Variants in SPAG17 observed in about 807,000 individuals in gnomAD.
SPAG17 encodes sperm associated antigen 17.
Under a neutral mutation model 273.6 loss-of-function variants are expected in SPAG17, and 169 were observed. The observed-to-expected ratio is 0.62, with a 90% CI of 0.55 to 0.70. The LOEUF (loss-of-function observed/expected upper bound fraction) is 0.70, where lower values mean the gene tolerates loss of function less well. SPAG17 is among the 30% of genes least tolerant of loss of function. The pLI is 0.00. For missense variants in SPAG17, 2,557 were observed against 2,627.8 expected (o/e 0.97, Z 0.59); for synonymous variants, 825 against 873.2 (o/e 0.94, Z 0.97).
intron 3 of SPAG17, among the ~76,000 whole-genome samples, chr1:118,121,814 A>G (rs906623703): frequency 2.0e-5 from 3 of 152,234 alleles, no homozygotes; most frequent in Non-Finnish European, 2.9e-5. Context: ...ATATCTAAAA[A>G]CACTGTCAAA....
At chr1:118,131,834 G>A (rs919472035) in intron 3 of SPAG17, among the ~76,000 whole-genome samples, 2 of 152,138 alleles carry the variant, frequency 1.3e-5, no homozygotes, top group Non-Finnish European at 2.9e-5. Context: ...TCTTCCTGTG[G>A]TGCAACCTGG....
At chr1:118,053,171 T>G (rs1489852111) in intron 20 of SPAG17, among the ~76,000 whole-genome samples, 2 of 152,058 alleles carry the variant, frequency 1.3e-5, no homozygotes, top group African/African-American at 4.8e-5. Flanking sequence ...AATGTTAGTC[T>G]CAAAACAAAT....
intron 43 of SPAG17, among the ~76,000 whole-genome samples, chr1:117,974,313 C>G (rs1389297695): frequency 6.6e-6 from 1 of 152,034 alleles, no homozygotes; most frequent in Non-Finnish European, 1.5e-5. Flanking sequence ...CATACATGAC[C>G]TAATACTGGT....
intron 24 of SPAG17, among the ~76,000 whole-genome samples, chr1:118,035,672 AAGAC>A (rs1253630082): frequency 1.3e-5 from 2 of 152,188 alleles, no homozygotes; most frequent in African/African-American, 4.8e-5. Context: ...ACTATATAGA[AAGAC>A]AGGTAATTGG....
intron 1 of SPAG17, among the ~76,000 whole-genome samples, chr1:118,184,153 C>G (rs1436357581): frequency 6.6e-6 from 1 of 152,082 alleles, no homozygotes; most frequent in Non-Finnish European, 1.5e-5. Context: ...GACTTTAGAT[C>G]CATTTTCCCT....
Position 118,023,300 on chromosome 1 carries a change from T to C in SPAG17, c.4069+4A>G, listed in dbSNP as rs372021285. On this transcript the variant is annotated splice_donor_region_variant and intron_variant, in intron 28 of 48. Transcript: ENST00000336338. ...ATAATAAACTGAGAGGCTTCAATTGTTACCTTTCTTTGTGTTGGTAATCTC... is the reference window on the plus strand; with the variant it reads ...ATAATAAACTGAGAGGCTTCAATTGCTACCTTTCTTTGTGTTGGTAATCTC... The C allele has an allele frequency of 2.2e-5, 36 of 1,608,318 alleles. No homozygotes were observed. Among genetic ancestry groups the C allele is most frequent in the South Asian group, 3.3e-5 (3 of 90,186 alleles).
intron 43 of SPAG17, among the ~76,000 whole-genome samples, chr1:117,973,801 A>T (rs151114824): frequency 0.011 from 1,683 of 152,258 alleles, 15 homozygotes; most frequent in Middle Eastern, 0.051. Flanking sequence ...ATGCGATAGG[A>T]CATTTTTCAG....
At chr1:118,113,874 T>C (rs1383698320) in intron 4 of SPAG17, among the ~76,000 whole-genome samples, 1 of 152,130 alleles carries the variant, frequency 6.6e-6, no homozygotes, top group African/African-American at 2.4e-5. Context: ...TTTTCCAAGC[T>C]ACTAGAATAT....
chr1:118,125,501 C>A (rs1657667979), intron 3 of SPAG17, among the ~76,000 whole-genome samples: 1 of 152,122 alleles, frequency 6.6e-6, no homozygotes, highest in Non-Finnish European at 1.5e-5. Context: ...AATTTTGTAT[C>A]CATGAACCAA....
Position 118,005,594 on chromosome 1 carries a change from A to G in SPAG17, c.4596T>C (p.Pro1532=). The change falls in exon 32 of 49, where the codon CCT becomes CCC. Residue 1532 remains proline (P), a synonymous_variant. Coordinates refer to ENST00000336338, the MANE Select transcript of SPAG17 (RefSeq NM_206996.4). The part of the protein sequence containing the change: ...AKPQGTYQVL[P]PNTGSLYIDK... ...CAATATAAAGAGAGCCTGTGTTTGG[A>G]GGTAACACCTGAAAGAGTAACAGAA... 6.6e-7 allele frequency: 1 copy of G among 1,511,536 alleles called. No individual in the cohort carries two copies. Among genetic ancestry groups the G allele is most frequent in the Non-Finnish European group, 8.9e-7 (1 of 1,128,314 alleles). 93.6% of individuals were successfully genotyped at this position (1,511,536 alleles called of 1,614,324 possible).
At position 118,027,995 on chromosome 1, in the gene SPAG17, T is replaced by C. The variant is rs138675863; in HGVS notation, c.3730+279A>G. Among the ~76,000 whole-genome samples, 617 of 152,216 alleles carry C rather than the reference T, an allele frequency of 4.1e-3. 5 individuals carry two copies. Among genetic ancestry groups the C allele is most frequent in the African/African-American group, 0.014 (589 of 41,542 alleles). Reference sequence around the variant, plus strand: ...GCATTTCAGCTCTGCCACTTGGGAGTTGAGTGACCTTGGGCAAGTAACTGA... The same window carrying C: ...GCATTTCAGCTCTGCCACTTGGGAGCTGAGTGACCTTGGGCAAGTAACTGA... On this transcript the variant is annotated intron_variant, in intron 26 of 48. Transcript: ENST00000336338.
At chr1:118,048,010 C>T (rs1421901889) in intron 20 of SPAG17, among the ~76,000 whole-genome samples, 1 of 152,108 alleles carries the variant, frequency 6.6e-6, no homozygotes. Context: ...CTAGGGCCAC[C>T]TCTGCAGAGT....
chr1:118,046,441 G>A (rs1462517953), intron 20 of SPAG17, among the ~76,000 whole-genome samples: 4 of 151,976 alleles, frequency 2.6e-5, no homozygotes, highest in South Asian at 2.1e-4. Context: ...TTAAGCCTCA[G>A]TTTAAATCAT....
At chr1:118,091,389 A>G (rs1655359488) in intron 10 of SPAG17, among the ~76,000 whole-genome samples, 1 of 152,224 alleles carries the variant, frequency 6.6e-6, no homozygotes, top group Non-Finnish European at 1.5e-5. Flanking sequence ...AACTTCAGGG[A>G]ATGTTACATA....
intron 46 of SPAG17, among the ~76,000 whole-genome samples, chr1:117,969,599 TATAA>T (rs1201265791): frequency 6.6e-6 from 1 of 151,890 alleles, no homozygotes; most frequent in Non-Finnish European, 1.5e-5. Flanking sequence ...AATAAATAAA[TATAA>T]ATAAACAAAT....
intron 48 of SPAG17, chr1:117,959,623 G>T: frequency 1.7e-6 from 1 of 583,170 alleles, no homozygotes; most frequent in Non-Finnish European, 2.7e-6. Context: ...GAGATTATGG[G>T]CTGGCTCCAT....
Position 118,099,812 on chromosome 1 carries a change from A to G in SPAG17, c.635-12T>C, listed in dbSNP as rs751942150. 2 of 1,607,958 alleles carry G rather than the reference A, an allele frequency of 1.2e-6. No homozygotes were observed. Among genetic ancestry groups the G allele is most frequent in the South Asian group, 1.1e-5 (1 of 90,834 alleles). ...ATCTGGCTCATCGTCTGTTCAAAAT[A>G]CCATAAAGAAGAGCAGCCATCATTG... On this transcript the variant is annotated splice_polypyrimidine_tract_variant and intron_variant, in intron 5 of 48. Coordinates refer to ENST00000336338, the MANE Select transcript of SPAG17 (RefSeq NM_206996.4).
chr1:118,039,146 A>G, intron 23 of SPAG17, 146 bp downstream of exon 23: 1 of 814,838 alleles, frequency 1.2e-6, no homozygotes, highest in South Asian at 1.9e-5. Context: ...TCAGGAAAAT[A>G]GGCAACTTCA....
At position 118,005,458 on chromosome 1, in the gene SPAG17, C is replaced by G; in HGVS notation, c.4732G>C (p.Glu1578Gln). Residue 1578 changes from glutamate to glutamine, a missense_variant, in exon 32 of 49, where the codon GAG becomes CAG. By Grantham distance (29) the Glu-to-Gln change is conservative. Coordinates refer to ENST00000336338, the MANE Select transcript of SPAG17 (RefSeq NM_206996.4). The part of the protein sequence containing the change: ...AGRYIMRHTS[E>Q]VICEVLDPEG... ...GGATCCAGAACCTCACAGATAACCT[C>G]TGAAGTATGCCTCATGATGTACCTG... The G allele has an allele frequency of 6.2e-7, 1 of 1,613,474 alleles. No individual in the cohort carries two copies. The highest frequency in any genetic ancestry group is 8.5e-7 in the Non-Finnish European group (1 of 1,179,670).
Sources: allele counts gnomAD v4.1 joint callset (sites outside exome capture counted in the v4.1 genomes callset), GRCh38; gene constraint gnomAD v4.1.1; transcripts MANE v1.5; gene names NCBI Gene and HGNC (gene_info 2026-07-23, HGNC 2026-07-21).